The following ENTREP2 variants were observed in gnomAD, a reference collection of about 807,000 sequenced individuals.
ENTREP2 encodes the protein protein ENTREP2.
At chr15:29,433,749 CT>C in the ENTREP2 span, among the ~76,000 whole-genome samples, 2 of 146,472 alleles carry the variant, frequency 1.4e-5, no homozygotes, top group African/African-American at 5.1e-5. Context: ...GTCTCAAGGT[CT>C]CTCAGACACC....
the ENTREP2 span, among the ~76,000 whole-genome samples, chr15:29,628,601 G>A: frequency 7.9e-5 from 12 of 152,142 alleles, no homozygotes; most frequent in Non-Finnish European, 2.9e-5. Context: ...ATCAATTGCT[G>A]ACAGAGGGGA....
chr15:29,446,021 A>G, the ENTREP2 span, among the ~76,000 whole-genome samples: 1 of 152,194 alleles, frequency 6.6e-6, no homozygotes, highest in Non-Finnish European at 1.5e-5. Context: ...TGAGGGCTGG[A>G]AAAACTGTGT....
the ENTREP2 span, among the ~76,000 whole-genome samples, chr15:29,243,072 C>G: frequency 6.6e-6 from 1 of 152,206 alleles, no homozygotes; most frequent in South Asian, 2.1e-4. Context: ...TGCTGGACAG[C>G]GCTCCGAGTC....
the ENTREP2 span, among the ~76,000 whole-genome samples, chr15:29,328,620 T>C: frequency 6.6e-6 from 1 of 152,194 alleles, no homozygotes. Flanking sequence ...AGTTGATAAA[T>C]TTGTTTCCCA....
chr15:29,141,527 C>T, the ENTREP2 span, among the ~76,000 whole-genome samples: 17 of 152,308 alleles, frequency 1.1e-4, no homozygotes, highest in African/African-American at 4.1e-4. Context: ...CCGTGGAGCT[C>T]TGAGCTGCCT....
the ENTREP2 span, among the ~76,000 whole-genome samples, chr15:29,472,600 G>A: frequency 6.6e-6 from 1 of 152,032 alleles, no homozygotes; most frequent in Non-Finnish European, 1.5e-5. Flanking sequence ...AAGTAGCTGG[G>A]ATTACAGGCT....
chr15:29,544,506 T>C, the ENTREP2 span, among the ~76,000 whole-genome samples: 1 of 152,284 alleles, frequency 6.6e-6, no homozygotes, highest in African/African-American at 2.4e-5. Context: ...TACATGTATT[T>C]TACCACAATT....
At chr15:29,603,331 C>G in the ENTREP2 span, among the ~76,000 whole-genome samples, 2 of 152,180 alleles carry the variant, frequency 1.3e-5, no homozygotes, top group African/African-American at 4.8e-5. Context: ...CTTGTTAGAA[C>G]ACGAATTCTC....
the ENTREP2 span, among the ~76,000 whole-genome samples, chr15:29,345,379 G>A: frequency 6.6e-6 from 1 of 152,052 alleles, no homozygotes; most frequent in Admixed American, 6.5e-5. Context: ...AGATGGGGCT[G>A]GGACAGAGCA....
chr15:29,448,265 A>G, the ENTREP2 span, among the ~76,000 whole-genome samples: 24 of 152,282 alleles, frequency 1.6e-4, no homozygotes, highest in African/African-American at 4.3e-4. Flanking sequence ...GGGAGCCTCA[A>G]TGGGCTCCAG....
chr15:29,506,553 A>G, the ENTREP2 span, among the ~76,000 whole-genome samples: 71,042 of 152,086 alleles, frequency 0.47, 17,853 homozygotes, highest in African/African-American at 0.67. Flanking sequence ...GACTAACAGC[A>G]GATCTCTCTG....
the ENTREP2 span, among the ~76,000 whole-genome samples, chr15:29,332,016 C>T: frequency 2.0e-5 from 3 of 152,180 alleles, no homozygotes; most frequent in African/African-American, 7.2e-5. Flanking sequence ...CCAGGATTAA[C>T]TGAATATAAA....
chr15:29,430,569 C>A, the ENTREP2 span, among the ~76,000 whole-genome samples: 1 of 152,058 alleles, frequency 6.6e-6, no homozygotes, highest in Non-Finnish European at 1.5e-5. Flanking sequence ...TCACTTGAAC[C>A]CGGGAGGCAA....
At chr15:29,163,058 A>G in the ENTREP2 span, among the ~76,000 whole-genome samples, 1 of 152,154 alleles carries the variant, frequency 6.6e-6, no homozygotes, top group Non-Finnish European at 1.5e-5. Flanking sequence ...CAGAAGAGAG[A>G]CAACAATCAC....
At chr15:29,389,658 T>G in the ENTREP2 span, among the ~76,000 whole-genome samples, 6 of 152,182 alleles carry the variant, frequency 3.9e-5, no homozygotes, top group Admixed American at 3.9e-4. Context: ...GCCAAGCCCC[T>G]ACCTTGCCGT....
the ENTREP2 span, chr15:29,265,642 A>G: frequency 2.6e-5 from 4 of 152,262 alleles, no homozygotes; most frequent in African/African-American, 4.8e-5. Context: ...TCCGTCTCAA[A>G]AAGAAAAAAA....
chr15:29,359,976 G>A, the ENTREP2 span, among the ~76,000 whole-genome samples: 3 of 152,168 alleles, frequency 2.0e-5, no homozygotes, highest in East Asian at 1.9e-4. Context: ...CATTAAAAGA[G>A]GGTGGATGTT....
the ENTREP2 span, among the ~76,000 whole-genome samples, chr15:29,398,500 G>A: frequency 6.6e-6 from 1 of 152,098 alleles, no homozygotes; most frequent in African/African-American, 2.4e-5. Context: ...GAGGCTAGCG[G>A]ATCACTTGAG....
the ENTREP2 span, among the ~76,000 whole-genome samples, chr15:29,140,153 C>T: frequency 2.2e-4 from 33 of 152,352 alleles, no homozygotes; most frequent in African/African-American, 7.5e-4. Flanking sequence ...GTTCCTTCAG[C>T]CTTCCACACC....
Sources: allele counts gnomAD v4.1 joint callset (sites outside exome capture counted in the v4.1 genomes callset), GRCh38; gene constraint gnomAD v4.1.1; transcripts MANE v1.5; gene names NCBI Gene and HGNC (gene_info 2026-07-23, HGNC 2026-07-21).